The following RHBDD1 variants were observed in gnomAD, a reference collection of about 807,000 sequenced individuals.
RHBDD1 encodes rhomboid domain containing 1, also known as rhomboid-related protein 4.
Under a neutral mutation model 36.3 loss-of-function variants are expected in RHBDD1, and 38 were observed. The ratio of observed to expected loss-of-function variants is 1.05; its 90% CI spans 0.81 to 1.37. The LOEUF (loss-of-function observed/expected upper bound fraction) is 1.37. Ranked by LOEUF, RHBDD1 falls within the 40% of genes most tolerant of loss-of-function variation. RHBDD1 has a pLI of 0.00. For synonymous variants in RHBDD1, 151 were observed against 136.5 expected, an observed-to-expected ratio of 1.11 and a Z score of -0.74; for missense variants, 393 against 377.6, an observed-to-expected ratio of 1.04 and a Z score of -0.34.
the RHBDD1 span, among the ~76,000 whole-genome samples, chr2:226,829,108 C>T: frequency 6.6e-6 from 1 of 152,090 alleles, no homozygotes; most frequent in Non-Finnish European, 1.5e-5. Context: ...TTTCAGACAT[C>T]CAACTCTGCC....
chr2:226,980,119 T>C (rs557095797), intron 8 of RHBDD1, among the ~76,000 whole-genome samples: 1 of 152,264 alleles, frequency 6.6e-6, no homozygotes, highest in South Asian at 2.1e-4. Context: ...CCACTTACCT[T>C]TCATTGCTTT....
At chr2:226,913,814 A>G (rs1048502242) in intron 7 of RHBDD1, among the ~76,000 whole-genome samples, 2 of 152,194 alleles carry the variant, frequency 1.3e-5, no homozygotes, top group African/African-American at 4.8e-5. Flanking sequence ...ACAAGACAAT[A>G]AGGCTTTATT....
chr2:226,889,164 C>T (rs538669419), intron 5 of RHBDD1, among the ~76,000 whole-genome samples: 12 of 152,266 alleles, frequency 7.9e-5, no homozygotes, highest in African/African-American at 2.2e-4. Flanking sequence ...CATGGTTTGT[C>T]GTGGTATTTC....
At chr2:226,881,315 T>G (rs181968839) in intron 5 of RHBDD1, among the ~76,000 whole-genome samples, 16 of 152,262 alleles carry the variant, frequency 1.1e-4, no homozygotes, top group Non-Finnish European at 2.2e-4. Flanking sequence ...CTGCCCAATC[T>G]CTCACCCAGA....
the RHBDD1 span, among the ~76,000 whole-genome samples, chr2:226,814,212 C>T: frequency 7.9e-5 from 12 of 152,150 alleles, no homozygotes; most frequent in African/African-American, 2.9e-4. Flanking sequence ...GGGGATCATA[C>T]ATTTAAAGCA....
At chr2:226,869,512 C>G (rs1445896600) in intron 5 of RHBDD1, among the ~76,000 whole-genome samples, 2 of 152,100 alleles carry the variant, frequency 1.3e-5, no homozygotes, top group African/African-American at 4.8e-5. Context: ...ATCTTTAGAA[C>G]AAAGCTTGCT....
At chr2:226,911,529 CAT>C (rs1403798586) in intron 7 of RHBDD1, among the ~76,000 whole-genome samples, 2 of 139,736 alleles carry the variant, frequency 1.4e-5, no homozygotes, top group South Asian at 4.6e-4. Flanking sequence ...CATTTGTCCT[CAT>C]GTGAAAGTTC....
intron 5 of RHBDD1, among the ~76,000 whole-genome samples, chr2:226,884,998 A>T (rs1946091530): frequency 6.6e-6 from 1 of 152,190 alleles, no homozygotes; most frequent in African/African-American, 2.4e-5. Context: ...CAAGAAAAAC[A>T]CTGACAGGCA....
chr2:226,827,524 T>C, the RHBDD1 span, among the ~76,000 whole-genome samples: 2 of 152,234 alleles, frequency 1.3e-5, no homozygotes. Flanking sequence ...TTGTTCTCAC[T>C]TCGCCTTTTT....
At chr2:226,987,864 G>C (rs2149521645) in intron 8 of RHBDD1, among the ~76,000 whole-genome samples, 1 of 152,354 alleles carries the variant, frequency 6.6e-6, no homozygotes, top group South Asian at 2.1e-4. Context: ...TCTGTGGTGA[G>C]GGGGTGGAGG....
intron 5 of RHBDD1, among the ~76,000 whole-genome samples, chr2:226,872,186 T>C (rs1944847318): frequency 6.6e-6 from 1 of 152,180 alleles, no homozygotes; most frequent in South Asian, 2.1e-4. Flanking sequence ...TTTGGTTTTA[T>C]GGGTTCTCCT....
intron 8 of RHBDD1, among the ~76,000 whole-genome samples, chr2:226,973,909 G>A (rs1954055488): frequency 6.6e-6 from 1 of 152,200 alleles, no homozygotes; most frequent in Non-Finnish European, 1.5e-5. Flanking sequence ...GCCCACCCCT[G>A]AGAATCTCCT....
chr2:226,980,723 G>A lies in RHBDD1; in HGVS notation c.857-14708G>A, dbSNP rs139346839. Among the ~76,000 whole-genome samples, 16 of 152,284 alleles carry A rather than the reference G, an allele frequency of 1.1e-4. No individual in the cohort carries two copies. The East Asian group carries it at 3.1e-3, about 29-fold the overall frequency. On this transcript the variant is annotated intron_variant, in intron 8 of 8. Coordinates refer to ENST00000392062, the MANE Select transcript of RHBDD1 (RefSeq NM_001167608.3). The stretch of plus-strand genomic sequence containing the variant: ...AGATACTTCCAATGAAGTTCAGAGA[G>A]CAACATATTCCTCTTCCCTTATCTA...
intron 6 of RHBDD1, chr2:226,908,137 C>A (rs1426094682): frequency 6.6e-6 from 1 of 152,100 alleles, no homozygotes; most frequent in Non-Finnish European, 1.5e-5. Context: ...GTAATAAATA[C>A]AATAGCAAAT....
intron 8 of RHBDD1, among the ~76,000 whole-genome samples, chr2:226,943,116 A>G (rs894547339): frequency 6.6e-6 from 1 of 152,166 alleles, no homozygotes; most frequent in Admixed American, 6.5e-5. Context: ...GTGTCATCTC[A>G]TGGCAGTTCT....
intron 5 of RHBDD1, among the ~76,000 whole-genome samples, chr2:226,904,156 G>C (rs941507396): frequency 6.6e-6 from 1 of 152,180 alleles, no homozygotes; most frequent in African/African-American, 2.4e-5. Flanking sequence ...TTTGTGGAAA[G>C]GCAGAGGGTT....
At chr2:226,861,334 A>G (rs1026598014) in intron 3 of RHBDD1, among the ~76,000 whole-genome samples, 4 of 152,188 alleles carry the variant, frequency 2.6e-5, no homozygotes, top group African/African-American at 9.6e-5. Context: ...CCACAGAAGC[A>G]GGAGCAGTCA....
At chr2:226,923,375 G>A (rs1244886592) in intron 8 of RHBDD1, among the ~76,000 whole-genome samples, 4 of 152,108 alleles carry the variant, frequency 2.6e-5, no homozygotes. Flanking sequence ...TTCCACTGAA[G>A]TCCGCTGTCA....
the RHBDD1 span, among the ~76,000 whole-genome samples, chr2:226,829,971 TGTAG>T: frequency 1.3e-5 from 2 of 152,024 alleles, no homozygotes; most frequent in Non-Finnish European, 2.9e-5. Flanking sequence ...TGATATTGAC[TGTAG>T]GTTTTTTTTT....
Sources: gnomAD v4.1 joint callset for allele counts (sites outside exome capture counted in the v4.1 genomes callset) on GRCh38, gnomAD v4.1.1 for gene constraint, MANE v1.5 for transcripts, NCBI Gene and HGNC (gene_info 2026-07-23, HGNC 2026-07-21) for gene names.